TRIM24: variants seen among roughly 807,000 people sequenced by gnomAD.
TRIM24 encodes tripartite motif containing 24, also known as transcription intermediary factor 1-alpha.
Under a neutral mutation model 123.9 loss-of-function variants are expected in TRIM24, and 29 were observed. That is an observed-to-expected ratio of 0.23 (90% CI 0.17 to 0.32). The LOEUF (loss-of-function observed/expected upper bound fraction) is 0.32. Ranked by LOEUF, TRIM24 falls within the 10% of genes least tolerant of loss-of-function variation. TRIM24 has a pLI of 1.00. For synonymous variants in TRIM24, 456 were observed against 461.1 expected, an observed-to-expected ratio of 0.99 and a Z score of 0.14; for missense variants, 932 against 1,295.3, an observed-to-expected ratio of 0.72 and a Z score of 4.31.
chr7:138,472,132 T>C (rs188214244), intron 1 of TRIM24, among the ~76,000 whole-genome samples: 6 of 152,180 alleles, frequency 3.9e-5, no homozygotes, highest in African/African-American at 1.2e-4. Context: ...TTGGAAAGTT[T>C]AGACAACTCT....
chr7:138,516,266 C>T (rs1388562243), intron 3 of TRIM24, among the ~76,000 whole-genome samples: 1 of 152,210 alleles, frequency 6.6e-6, no homozygotes, highest in East Asian at 1.9e-4. Flanking sequence ...CGCACCACTG[C>T]ACTCCAGCCT....
chr7:138,534,751 T>C (rs894715336), intron 6 of TRIM24, among the ~76,000 whole-genome samples: 3 of 152,204 alleles, frequency 2.0e-5, no homozygotes, highest in African/African-American at 7.2e-5. Flanking sequence ...AGAGCTGAGT[T>C]CAATTCCTGG....
At chr7:138,548,382 C>A (rs530996555) in intron 7 of TRIM24, among the ~76,000 whole-genome samples, 1 of 151,958 alleles carries the variant, frequency 6.6e-6, no homozygotes, top group Non-Finnish European at 1.5e-5. Flanking sequence ...TGAGATCGCA[C>A]CACTCCACTC....
chr7:138,557,897 ACATTCCATCTTCCGCCCAGG>A (rs1428778011), intron 9 of TRIM24, among the ~76,000 whole-genome samples: 6 of 152,202 alleles, frequency 3.9e-5, no homozygotes, highest in African/African-American at 7.2e-5. Flanking sequence ...CAGTATCCAT[ACATTCCATCTTCCGCCCAGG>A]TGGCTGACCC....
At chr7:138,508,722 T>TGTGTGTGC (rs1554436728) in intron 2 of TRIM24, among the ~76,000 whole-genome samples, 1,966 of 124,064 alleles carry the variant, frequency 0.016, 46 homozygotes, top group African/African-American at 0.053. Context: ...TGTGTGTGCG[T>TGTGTGTGC]GTGTGTGTGT....
chr7:138,495,493 A>T (rs1795884551), intron 1 of TRIM24, among the ~76,000 whole-genome samples: 1 of 152,064 alleles, frequency 6.6e-6, no homozygotes, highest in Admixed American at 6.6e-5. Context: ...ATTGTAGCTG[A>T]CAAAAGTAGG....
At chr7:138,527,043 A>G (rs1418561658) in intron 5 of TRIM24, among the ~76,000 whole-genome samples, 3 of 151,110 alleles carry the variant, frequency 2.0e-5, no homozygotes, top group African/African-American at 4.9e-5. Flanking sequence ...CAAAGTTTAC[A>G]TTTTTTTTTA....
chr7:138,528,708 G>T (rs1248208653), intron 5 of TRIM24, among the ~76,000 whole-genome samples: 1 of 151,264 alleles, frequency 6.6e-6, no homozygotes, highest in Non-Finnish European at 1.5e-5. Flanking sequence ...CACTTTTCTA[G>T]CTTTCGGTTG....
chr7:138,559,139 A>G (rs1258677431), intron 9 of TRIM24, among the ~76,000 whole-genome samples: 1 of 152,180 alleles, frequency 6.6e-6, no homozygotes, highest in African/African-American at 2.4e-5. Context: ...GGGTCCTAAC[A>G]TATGTAGGGC....
chr7:138,538,274 G>C (rs561414989), intron 6 of TRIM24, among the ~76,000 whole-genome samples: 2 of 152,340 alleles, frequency 1.3e-5, no homozygotes, highest in Admixed American at 1.3e-4. Flanking sequence ...TCATATGATT[G>C]AGTAAATTAT....
At chr7:138,474,710 T>G (rs541033655) in intron 1 of TRIM24, among the ~76,000 whole-genome samples, 9 of 152,220 alleles carry the variant, frequency 5.9e-5, no homozygotes, top group Non-Finnish European at 1.2e-4. Context: ...TAGAGGACTG[T>G]CCTTTCTCCA....
chr7:138,503,560 TA>T lies in TRIM24; in HGVS notation c.365-729del, dbSNP rs1388411478. Among the ~76,000 whole-genome samples the T allele has an allele frequency of 4.6e-5, 7 of 152,074 alleles. No individual in the cohort carries two copies. In the East Asian group the frequency reaches 1.4e-3, roughly 29 times the overall value. On this transcript the variant is annotated intron_variant, in intron 1 of 18. Coordinates refer to ENST00000343526, the MANE Select transcript of TRIM24 (RefSeq NM_015905.3). ...TGTTCTTATGCATTTCATTAAAAAATATATCTGGGAACCTTATTGCAGTCTT... is the reference window on the plus strand; with the variant it reads ...TGTTCTTATGCATTTCATTAAAAAATTATCTGGGAACCTTATTGCAGTCTT...
chr7:138,538,558 T>C (rs1796939724), intron 6 of TRIM24, 99 bp from the exon 7 acceptor site: 1 of 1,270,210 alleles, frequency 7.9e-7, no homozygotes, highest in South Asian at 1.4e-5. Flanking sequence ...AATTGAGTAA[T>C]TAGAGATTGT....
At chr7:138,556,644 T>C (rs1797322014) in intron 9 of TRIM24, among the ~76,000 whole-genome samples, 1 of 152,318 alleles carries the variant, frequency 6.6e-6, no homozygotes, top group East Asian at 1.9e-4. Context: ...CTGTAGAGAA[T>C]CAGTCAAGAG....
chr7:138,482,335 G>T (rs1795546973), intron 1 of TRIM24, among the ~76,000 whole-genome samples: 1 of 151,932 alleles, frequency 6.6e-6, no homozygotes, highest in South Asian at 2.1e-4. Context: ...TCTTCTAATT[G>T]TTTTTTAGCT....
chr7:138,549,869 G>A (rs1797175153), intron 7 of TRIM24, among the ~76,000 whole-genome samples: 1 of 152,144 alleles, frequency 6.6e-6, no homozygotes, highest in Non-Finnish European at 1.5e-5. Flanking sequence ...CAAGTGGAAG[G>A]CTGGCTTTAA....
At chr7:138,574,111 T>C (rs1013455777) in intron 12 of TRIM24, among the ~76,000 whole-genome samples, 29 of 152,212 alleles carry the variant, frequency 1.9e-4, no homozygotes, top group Non-Finnish European at 7.3e-5. Flanking sequence ...TTCTCACCAT[T>C]ATAGTACTTC....
chr7:138,580,484 TGGA>T (rs1797869712), intron 15 of TRIM24, 75 bp from the exon 16 acceptor site: 1 of 1,518,024 alleles, frequency 6.6e-7, no homozygotes, highest in Non-Finnish European at 8.9e-7. Context: ...ATAGATGTCA[TGGA>T]GGAGGTGGGA....
chr7:138,515,050 A>G (rs1796368040), intron 2 of TRIM24, among the ~76,000 whole-genome samples, 162 bp from the exon 3 acceptor site: 1 of 152,214 alleles, frequency 6.6e-6, no homozygotes, highest in African/African-American at 2.4e-5. Context: ...TTCATTTCTT[A>G]TGTGTATAAT....
Sources: gnomAD v4.1 joint callset for allele counts (sites outside exome capture counted in the v4.1 genomes callset) on GRCh38, gnomAD v4.1.1 for gene constraint, MANE v1.5 for transcripts, NCBI Gene and HGNC (gene_info 2026-07-23, HGNC 2026-07-21) for gene names.